Variants in SLC5A12 observed in about 807,000 individuals in gnomAD.
The protein encoded by SLC5A12 is solute carrier family 5 member 12, also known as sodium-coupled monocarboxylate transporter 2.
In SLC5A12, 46 loss-of-function variants were observed where a neutral mutation model predicts 72.7. The observed-to-expected ratio is 0.63, with a 90% confidence interval of 0.50 to 0.81. SLC5A12 has a LOEUF of 0.81. SLC5A12 is among the 30% of genes least tolerant of loss of function. SLC5A12 has a pLI of 0.00. For synonymous variants in SLC5A12, 275 were observed against 264.4 expected, an observed-to-expected ratio of 1.04 and a Z score of -0.39; for missense variants, 683 against 740.7, an observed-to-expected ratio of 0.92 and a Z score of 0.90.
chr11:26,702,788 G>A (rs1397786612), intron 6 of SLC5A12, among the ~76,000 whole-genome samples: 1 of 152,036 alleles, frequency 6.6e-6, no homozygotes, highest in Non-Finnish European at 1.5e-5. Context: ...ACAAACATCT[G>A]TTAAGTGAGC....
intron 6 of SLC5A12, among the ~76,000 whole-genome samples, chr11:26,700,384 A>G (rs1854928334): frequency 6.6e-6 from 1 of 152,152 alleles, no homozygotes; most frequent in Admixed American, 6.6e-5. Flanking sequence ...TTCAGAAAGT[A>G]TTTATTGGGC....
At position 26,671,082 on chromosome 11, in the gene SLC5A12, G is replaced by A; in HGVS notation, c.*20C>T. The A allele has an allele frequency of 1.9e-6, 3 of 1,596,006 alleles. No homozygotes were observed. The highest frequency in any genetic ancestry group is 2.3e-5 in the East Asian group (1 of 44,286). Reference sequence around the variant, plus strand: ...GTGTGTGTATTGCACGTGTGTGTGTGCATTCATACAGGTATTGCCTTAGAA... The same window carrying A: ...GTGTGTGTATTGCACGTGTGTGTGTACATTCATACAGGTATTGCCTTAGAA... On this transcript the variant is annotated 3_prime_UTR_variant, in exon 15 of 15. Coordinates refer to ENST00000396005, the MANE Select transcript of SLC5A12 (RefSeq NM_178498.4).
intron 10 of SLC5A12, among the ~76,000 whole-genome samples, chr11:26,685,654 C>T (rs78187998): frequency 0.011 from 1,605 of 151,674 alleles, 34 homozygotes; most frequent in African/African-American, 0.036. Context: ...AAAGACACAA[C>T]GGGACTGAGA....
chr11:26,717,441 T>C (rs1368942976), intron 1 of SLC5A12, among the ~76,000 whole-genome samples: 1 of 152,200 alleles, frequency 6.6e-6, no homozygotes, highest in East Asian at 1.9e-4. Context: ...GATAATATTA[T>C]GAGACTAATA....
intron 10 of SLC5A12, among the ~76,000 whole-genome samples, chr11:26,685,491 C>T (rs1854508406): frequency 6.6e-6 from 1 of 151,948 alleles, no homozygotes; most frequent in African/African-American, 2.4e-5. Context: ...ACCTGTAATC[C>T]CAGCTACTTG....
At position 26,669,160 on chromosome 11, in the gene SLC5A12, C is replaced by CCTTTTTCTTTCTTTCTTTCTTCTTTT. The variant is rs1565179305; in HGVS notation, c.*1941_*1942insAAAAGAAGAAAGAAAGAAAGAAAAAG. The stretch of plus-strand genomic sequence containing the variant: ...TTCTTTCTGTCTCTCTCTTCCTCTT[C>CCTTTTTCTTTCTTTCTTTCTTCTTTT]CTGTCTTTTTCTTTCTTTCTTTCTT... On this transcript the variant is annotated 3_prime_UTR_variant, in exon 15 of 15. Coordinates refer to ENST00000396005, the MANE Select transcript of SLC5A12 (RefSeq NM_178498.4). 1 of 98,108 alleles carries CCTTTTTCTTTCTTTCTTTCTTCTTTT rather than the reference C, an allele frequency of 1.0e-5. No individual in the cohort carries two copies. The highest frequency in any genetic ancestry group is 2.2e-5 in the Non-Finnish European group (1 of 46,158). 6.1% of individuals were successfully genotyped at this position (98,108 alleles called of 1,614,324 possible).
At chr11:26,700,448 G>T (rs1854930089) in intron 6 of SLC5A12, among the ~76,000 whole-genome samples, 1 of 152,002 alleles carries the variant, frequency 6.6e-6, no homozygotes, top group Admixed American at 6.6e-5. Flanking sequence ...AGGAAGCAAT[G>T]CAGAAGACAA....
intron 9 of SLC5A12, among the ~76,000 whole-genome samples, chr11:26,690,367 T>C (rs989119306): frequency 2.0e-5 from 3 of 151,984 alleles, no homozygotes; most frequent in African/African-American, 7.2e-5. Flanking sequence ...AACAAGATGG[T>C]ACACTCTTGT....
chr11:26,696,784 G>A (rs768294229), intron 8 of SLC5A12, among the ~76,000 whole-genome samples: 6 of 152,180 alleles, frequency 3.9e-5, no homozygotes, highest in Non-Finnish European at 8.8e-5. Flanking sequence ...CCAAATGAAT[G>A]AGAAGAGCCA....
chr11:26,686,392 G>T, intron 10 of SLC5A12, 85 bp downstream of exon 10: 1 of 1,220,176 alleles, frequency 8.2e-7, no homozygotes, highest in Non-Finnish European at 1.2e-6. Context: ...TCAGCCTTTG[G>T]ATCTTGGAGG....
chr11:26,705,289 C>T (rs1214738369), intron 4 of SLC5A12, among the ~76,000 whole-genome samples: 1 of 151,808 alleles, frequency 6.6e-6, no homozygotes, highest in African/African-American at 2.4e-5. Flanking sequence ...TATAGAAGCC[C>T]TTAGGATGAT....
intron 6 of SLC5A12, 21 bp from the exon 7 acceptor site, chr11:26,698,556 C>T (rs1003440757): frequency 6.2e-7 from 1 of 1,613,208 alleles, no homozygotes; most frequent in Non-Finnish European, 8.5e-7. Context: ...GCACATGGGC[C>T]TATTGGTAGC....
In SLC5A12 at chr11:26,709,485, CA is replaced by C. The variant is rs1432867064; in HGVS notation, c.458-107del. The stretch of plus-strand genomic sequence containing the variant: ...TATTTTTATCAGTGTTCTTTGTAGG[CA>C]AAAATAAAATCAAATTAGAGTTTTC... On this transcript the variant is annotated intron_variant, in intron 3 of 14. Transcript: ENST00000396005. 2.4e-5 allele frequency: 19 copies of C among 786,150 alleles called. No homozygotes were observed. The East Asian group carries it at 4.9e-4, about 20-fold the overall frequency. 48.7% of individuals were successfully genotyped at this position (786,150 alleles called of 1,614,324 possible). A position where few individuals can be genotyped will look rare whatever the true frequency, so the allele number is the denominator to read the frequency against.
At chr11:26,675,947 CTG>C (rs373509563) in intron 13 of SLC5A12, among the ~76,000 whole-genome samples, 9 of 144,328 alleles carry the variant, frequency 6.2e-5, no homozygotes, top group African/African-American at 2.3e-4. Context: ...GTGTATCTAT[CTG>C]TGTGTGTGTG....
At chr11:26,713,899 C>A (rs996029594) in intron 1 of SLC5A12, among the ~76,000 whole-genome samples, 1 of 152,110 alleles carries the variant, frequency 6.6e-6, no homozygotes, top group Non-Finnish European at 1.5e-5. Flanking sequence ...TGGCTGCTGG[C>A]AGTCCTTAGC....
intron 1 of SLC5A12, 23 bp from the exon 2 acceptor site, chr11:26,712,729 C>A: frequency 6.4e-7 from 1 of 1,558,610 alleles, no homozygotes; most frequent in Non-Finnish European, 8.8e-7. Context: ...GAAAGACATG[C>A]AGAGTCAGTG....
intron 9 of SLC5A12, among the ~76,000 whole-genome samples, chr11:26,689,159 G>C (rs1220879796): frequency 1.3e-4 from 19 of 151,558 alleles, no homozygotes; most frequent in Admixed American, 1.2e-3. Flanking sequence ...ACTTAGGGAG[G>C]CCTAGGCAGG....
chr11:26,697,145 T>C lies in SLC5A12; in HGVS notation c.1040+19A>G, dbSNP rs112314177. The C allele has an allele frequency of 5.6e-3, 8,845 of 1,593,210 alleles. 157 individuals carry two copies. In the East Asian group the frequency reaches 0.067, roughly 12 times the overall value. On this transcript the variant is annotated intron_variant, in intron 8 of 14. Coordinates refer to ENST00000396005, the MANE Select transcript of SLC5A12 (RefSeq NM_178498.4). Reference sequence around the variant, plus strand: ...TATCCTTTCCATCATCATCATCAGATTGTTGTTGCTATACTAACCTCAGAG... The same window carrying C: ...TATCCTTTCCATCATCATCATCAGACTGTTGTTGCTATACTAACCTCAGAG...
chr11:26,715,027 C>CTG (rs71047877), intron 1 of SLC5A12, among the ~76,000 whole-genome samples: 123,749 of 151,898 alleles, frequency 0.81, 53,467 homozygotes, highest in Non-Finnish European at 0.96. Context: ...GTAGAAAACA[C>CTG]TGAAATGTCT....
Sources: gnomAD v4.1 joint callset for allele counts (sites outside exome capture counted in the v4.1 genomes callset) on GRCh38, gnomAD v4.1.1 for gene constraint, MANE v1.5 for transcripts, NCBI Gene and HGNC (gene_info 2026-07-23, HGNC 2026-07-21) for gene names.